The following PCED1B variants were observed in gnomAD, a reference collection of about 807,000 sequenced individuals.
PCED1B encodes PC-esterase domain-containing protein 1B.
For synonymous variants in PCED1B, 251 were observed against 246.1 expected (o/e 1.02, Z -0.19); for missense variants, 573 against 573.9 (o/e 1.00, Z 0.02).
At chr12:47,211,184 C>T (rs1460208015) in intron 2 of PCED1B, among the ~76,000 whole-genome samples, 1 of 152,210 alleles carries the variant, frequency 6.6e-6, no homozygotes, top group Non-Finnish European at 1.5e-5. Flanking sequence ...TTTTCCCTCC[C>T]TGCACTGTGA....
At chr12:47,104,954 C>T (rs949623373) in intron 2 of PCED1B, among the ~76,000 whole-genome samples, 3 of 152,222 alleles carry the variant, frequency 2.0e-5, no homozygotes, top group Non-Finnish European at 2.9e-5. Context: ...GGGCAGGGAC[C>T]TCCTTTTGTA....
chr12:47,123,824 A>C (rs1939776513), intron 2 of PCED1B, among the ~76,000 whole-genome samples: 1 of 152,026 alleles, frequency 6.6e-6, no homozygotes, highest in East Asian at 1.9e-4. Flanking sequence ...CTTTCATTCA[A>C]ATTTTCGTTG....
At chr12:47,081,332 A>G (rs541808953) in intron 1 of PCED1B, among the ~76,000 whole-genome samples, 1 of 152,212 alleles carries the variant, frequency 6.6e-6, no homozygotes, top group South Asian at 2.1e-4. Context: ...TCACTTGAGC[A>G]ATCTTGAATT....
chr12:47,111,020 C>T (rs1355862501), intron 2 of PCED1B, among the ~76,000 whole-genome samples: 1 of 152,174 alleles, frequency 6.6e-6, no homozygotes, highest in Non-Finnish European at 1.5e-5. Flanking sequence ...TACATTTCTC[C>T]TCCCACTGAA....
intron 1 of PCED1B, among the ~76,000 whole-genome samples, chr12:47,084,926 A>G (rs1352121362): frequency 6.6e-6 from 1 of 152,202 alleles, no homozygotes; most frequent in African/African-American, 2.4e-5. Flanking sequence ...ACTTGAGGTC[A>G]GGAGTTGGGA....
At chr12:47,153,211 G>A (rs892070538) in intron 2 of PCED1B, among the ~76,000 whole-genome samples, 33 of 151,830 alleles carry the variant, frequency 2.2e-4, no homozygotes, top group Admixed American at 5.2e-4. Context: ...TTAGCTGGGT[G>A]TGGTGGCGGG....
At chr12:47,233,297 A>T (rs1298605807) in intron 3 of PCED1B, among the ~76,000 whole-genome samples, 1 of 151,980 alleles carries the variant, frequency 6.6e-6, no homozygotes, top group Non-Finnish European at 1.5e-5. Flanking sequence ...GTCCGCCACC[A>T]CGCCCGGCTA....
intron 2 of PCED1B, among the ~76,000 whole-genome samples, chr12:47,117,067 T>A (rs1318690147): frequency 7.2e-5 from 11 of 152,146 alleles, no homozygotes; most frequent in Admixed American, 7.2e-4. Flanking sequence ...GAGCTGATCT[T>A]GAGCTCCTGG....
chr12:47,180,628 C>T (rs561500452), intron 2 of PCED1B, among the ~76,000 whole-genome samples: 3 of 151,898 alleles, frequency 2.0e-5, no homozygotes, highest in South Asian at 4.2e-4. Context: ...GCTTCTGCAC[C>T]GCAAAAGAAA....
Position 47,097,925 on chromosome 12 carries a change from T to G in PCED1B, c.-608-6188T>G, listed in dbSNP as rs560681422. Among the ~76,000 whole-genome samples the G allele has an allele frequency of 5.9e-5, 9 of 152,348 alleles. No individual in the cohort carries two copies. In the East Asian group the frequency reaches 1.2e-3, roughly 20 times the overall value. On this transcript the variant is annotated intron_variant, in intron 1 of 3. Coordinates refer to ENST00000546455, the MANE Select transcript of PCED1B (RefSeq NM_138371.3). ...GAACCAGAAACCAAATTGTTACCCA[T>G]GCTCCAAATTGTTATCCATGCTCCA...
At chr12:47,209,761 T>C (rs1943020783) in intron 2 of PCED1B, 1 of 152,218 alleles carries the variant, frequency 6.6e-6, no homozygotes, top group African/African-American at 2.4e-5. Flanking sequence ...AAGGCTGGTA[T>C]CTTCAGAAAA....
intron 2 of PCED1B, among the ~76,000 whole-genome samples, chr12:47,131,479 G>C (rs1424679345): frequency 6.6e-6 from 1 of 152,098 alleles, no homozygotes; most frequent in Non-Finnish European, 1.5e-5. Flanking sequence ...ATCCAGGTGT[G>C]TACACCATTG....
chr12:47,080,322 G>T (rs1325222327), intron 1 of PCED1B, among the ~76,000 whole-genome samples: 1 of 152,296 alleles, frequency 6.6e-6, no homozygotes, highest in East Asian at 1.9e-4. Context: ...ACTTCGCGGC[G>T]GCCGCACAGG....
intron 2 of PCED1B, among the ~76,000 whole-genome samples, chr12:47,105,770 A>G (rs1306222832): frequency 1.3e-5 from 2 of 152,130 alleles, no homozygotes; most frequent in Non-Finnish European, 2.9e-5. Flanking sequence ...CTGTTTGTGG[A>G]AGGAAAAAGT....
At chr12:47,154,001 A>G (rs1001700970) in intron 2 of PCED1B, among the ~76,000 whole-genome samples, 4 of 152,196 alleles carry the variant, frequency 2.6e-5, no homozygotes, top group South Asian at 4.1e-4. Flanking sequence ...GGGACCTACT[A>G]TGCTATATTC....
intron 2 of PCED1B, among the ~76,000 whole-genome samples, chr12:47,119,453 G>C (rs1250857046): frequency 2.0e-5 from 3 of 151,956 alleles, no homozygotes; most frequent in African/African-American, 7.3e-5. Flanking sequence ...AAAGTATTGG[G>C]ATTATAGGGA....
At chr12:47,232,969 C>G (rs1943856316) in intron 3 of PCED1B, among the ~76,000 whole-genome samples, 1 of 151,742 alleles carries the variant, frequency 6.6e-6, no homozygotes, top group Non-Finnish European at 1.5e-5. Context: ...TGGGGTCTCA[C>G]TTTGTGGCCC....
At position 47,125,298 on chromosome 12, in the gene PCED1B, C is replaced by A. The variant is rs553667131; in HGVS notation, c.-526+21103C>A. Among the ~76,000 whole-genome samples, 8 of 151,964 alleles carry A rather than the reference C, an allele frequency of 5.3e-5. No homozygotes were observed. The East Asian group carries it at 1.3e-3, about 26-fold the overall frequency. ...TTTCTCTAGTAAATTCCCTTTGTAC[C>A]CCTGCAAAAATCAATTGACCATATA... is the stretch of plus-strand genomic sequence containing the variant. On this transcript the variant is annotated intron_variant, in intron 2 of 3. Transcript: ENST00000546455.
intron 1 of PCED1B, among the ~76,000 whole-genome samples, chr12:47,084,441 T>A (rs1565737247): frequency 6.6e-6 from 1 of 152,044 alleles, no homozygotes; most frequent in Non-Finnish European, 1.5e-5. Context: ...CAAAAAGAGG[T>A]CCTATGCCCA....
Sources: allele counts gnomAD v4.1 joint callset (sites outside exome capture counted in the v4.1 genomes callset), GRCh38; gene constraint gnomAD v4.1.1; transcripts MANE v1.5; gene names NCBI Gene and HGNC (gene_info 2026-07-23, HGNC 2026-07-21).